The following DCAF8L2 variants were observed in gnomAD, a reference collection of about 807,000 sequenced individuals.
DCAF8L2 encodes DDB1 and CUL4 associated factor 8 like 2.
For synonymous variants in DCAF8L2, 200 were observed against 190.9 expected, an observed-to-expected ratio of 1.05 and a Z score of -0.39; for missense variants, 430 against 490.7, an observed-to-expected ratio of 0.88 and a Z score of 1.17.
the DCAF8L2 span, among the ~76,000 whole-genome samples, chrX:27,472,299 A>G: frequency 8.9e-6 from 1 of 111,917 alleles, no homozygotes; most frequent in African/African-American, 3.2e-5. Context: ...TTAATAGTAC[A>G]CATAGAGGAC....
At chrX:27,723,249 T>A (rs1931959321) in intron 4 of DCAF8L2, among the ~76,000 whole-genome samples, 1 of 109,739 alleles carries the variant, frequency 9.1e-6, no homozygotes, top group Non-Finnish European at 1.9e-5. Flanking sequence ...GAGTAATAAA[T>A]GTTTCTAAAT....
chrX:27,690,095 G>A (rs796155068), intron 3 of DCAF8L2, among the ~76,000 whole-genome samples: 1 of 111,080 alleles, frequency 9.0e-6, no homozygotes, highest in Non-Finnish European at 1.9e-5. Flanking sequence ...GAAGAGAGAC[G>A]GAGGGACTAA....
At chrX:27,639,990 C>G (rs1928648602) in intron 2 of DCAF8L2, among the ~76,000 whole-genome samples, 1 of 103,137 alleles carries the variant, frequency 9.7e-6, no homozygotes, top group African/African-American at 3.7e-5. Context: ...GCACAACGTG[C>G]AGGTTTGTTA....
the DCAF8L2 span, among the ~76,000 whole-genome samples, chrX:27,561,764 T>C: frequency 1.8e-4 from 20 of 111,995 alleles, no homozygotes; most frequent in African/African-American, 6.5e-4. Context: ...TATATTTTTA[T>C]TTTTGAATAA....
At chrX:27,706,178 C>T (rs149140809) in intron 3 of DCAF8L2, among the ~76,000 whole-genome samples, 53 of 110,929 alleles carry the variant, frequency 4.8e-4, no homozygotes, top group Admixed American at 9.6e-4. Context: ...ACCAGTGCCG[C>T]GCTGTTTTGG....
chrX:27,516,519 C>G, the DCAF8L2 span, among the ~76,000 whole-genome samples: 3 of 109,139 alleles, frequency 2.7e-5, no homozygotes, highest in Non-Finnish European at 5.7e-5. Flanking sequence ...CTCTCTTATT[C>G]TCTCTCTCAC....
the DCAF8L2 span, among the ~76,000 whole-genome samples, chrX:27,551,322 G>C: frequency 9.1e-6 from 1 of 110,173 alleles, no homozygotes; most frequent in Non-Finnish European, 1.9e-5. Context: ...TCAATATCAA[G>C]GCAAGACCTT....
the DCAF8L2 span, among the ~76,000 whole-genome samples, chrX:27,578,169 T>C: frequency 4.5e-5 from 5 of 111,132 alleles, no homozygotes; most frequent in East Asian, 5.7e-4. Flanking sequence ...AAGGTTTGGT[T>C]ACTACAGTAA....
chrX:27,483,607 C>G, the DCAF8L2 span, among the ~76,000 whole-genome samples: 11 of 111,164 alleles, frequency 9.9e-5, no homozygotes, highest in South Asian at 4.1e-3. Context: ...TAAAGCTTGA[C>G]AGGAAATGTT....
intron 3 of DCAF8L2, among the ~76,000 whole-genome samples, chrX:27,710,023 A>G (rs768241625): frequency 9.0e-6 from 1 of 110,721 alleles, no homozygotes; most frequent in East Asian, 2.8e-4. Flanking sequence ...ATTTTTGTAT[A>G]TGGTTTGCAT....
intron 2 of DCAF8L2, among the ~76,000 whole-genome samples, chrX:27,673,724 CAT>C (rs764015115): frequency 2.8e-5 from 3 of 108,059 alleles, no homozygotes; most frequent in Non-Finnish European, 5.7e-5. Flanking sequence ...TACACACACA[CAT>C]ATACTACATG....
chrX:27,665,668 A>C (rs6630541), intron 2 of DCAF8L2, among the ~76,000 whole-genome samples: 16,485 of 110,663 alleles, frequency 0.15, 1,539 homozygotes, highest in East Asian at 0.38. Context: ...TCTTTCTTGT[A>C]TTATTTTAAG....
chrX:27,722,201 C>T (rs1334708268), intron 4 of DCAF8L2, among the ~76,000 whole-genome samples: 13 of 111,427 alleles, frequency 1.2e-4, no homozygotes, highest in Non-Finnish European at 2.3e-4. Flanking sequence ...TCAAATCTGT[C>T]CTTTTTTAAA....
chrX:27,484,483 C>T, the DCAF8L2 span, among the ~76,000 whole-genome samples: 2 of 110,096 alleles, frequency 1.8e-5, no homozygotes, highest in African/African-American at 6.6e-5. Flanking sequence ...TTCCTCATCC[C>T]TAAGTTGATG....
the DCAF8L2 span, among the ~76,000 whole-genome samples, chrX:27,487,523 T>C: frequency 1.8e-5 from 2 of 111,837 alleles, no homozygotes; most frequent in South Asian, 7.5e-4. Context: ...CCTAAAGTGG[T>C]CCGCCCACCT....
chrX:27,635,155 T>C (rs1243115021), intron 2 of DCAF8L2, among the ~76,000 whole-genome samples: 1 of 111,786 alleles, frequency 8.9e-6, no homozygotes, highest in African/African-American at 3.3e-5. Context: ...ATTTTTATCA[T>C]TGCTGTTTAA....
chrX:27,613,932 G>A (rs1199352783), intron 1 of DCAF8L2, among the ~76,000 whole-genome samples: 2 of 111,178 alleles, frequency 1.8e-5, no homozygotes, highest in Non-Finnish European at 3.8e-5. Context: ...TTGTGTCTCT[G>A]CCAGGCTTTG....
chrX:27,506,137 A>G, the DCAF8L2 span, among the ~76,000 whole-genome samples: 6 of 112,242 alleles, frequency 5.3e-5, no homozygotes, highest in South Asian at 1.8e-3. Flanking sequence ...AAACAGAGCA[A>G]TGAGAAAAAA....
chrX:27,627,093 C>CTG (rs1928046963), intron 1 of DCAF8L2, among the ~76,000 whole-genome samples: 1 of 98,663 alleles, frequency 1.0e-5, no homozygotes, highest in African/African-American at 3.7e-5. Flanking sequence ...AAAAAAAAAG[C>CTG]TGTGAAAGAC....
Sources: allele counts gnomAD v4.1 joint callset (sites outside exome capture counted in the v4.1 genomes callset), GRCh38; gene constraint gnomAD v4.1.1; transcripts MANE v1.5; gene names NCBI Gene and HGNC (gene_info 2026-07-23, HGNC 2026-07-21).